The following EBF4 variants were observed in gnomAD, a reference collection of about 807,000 sequenced individuals.
EBF4 encodes transcription factor COE4.
EBF4 carries 34 observed loss-of-function variants against 67.1 expected under a neutral mutation model. The ratio of observed to expected loss-of-function variants is 0.51; its 90% CI spans 0.39 to 0.67. EBF4 has a LOEUF of 0.67. Ranked by LOEUF, EBF4 falls within the 30% of genes least tolerant of loss-of-function variation. EBF4 has a pLI of 0.00. For synonymous variants in EBF4, 387 were observed against 377.7 expected (o/e 1.02, Z -0.29); for missense variants, 837 against 873.3 (o/e 0.96, Z 0.52).
chr20:2,720,947 T>C (rs954984034), intron 6 of EBF4, among the ~76,000 whole-genome samples: 3 of 152,226 alleles, frequency 2.0e-5, no homozygotes, highest in Non-Finnish European at 4.4e-5. Context: ...CTGATGTTTA[T>C]CCTTATCTTT....
intron 14 of EBF4, chr20:2,754,976 C>CT (rs1555789869): frequency 5.2e-5 from 6 of 114,686 alleles, no homozygotes; most frequent in South Asian, 7.0e-4. Flanking sequence ...GACCACCCCC[C>CT]CCCACAGGGC....
intron 6 of EBF4, among the ~76,000 whole-genome samples, chr20:2,721,143 C>A (rs1003491647): frequency 1.3e-5 from 2 of 151,538 alleles, no homozygotes; most frequent in Non-Finnish European, 2.9e-5. Flanking sequence ...AGTTTTTGAC[C>A]ATGATTTATT....
chr20:2,733,349 C>T (rs1251754395), intron 6 of EBF4, among the ~76,000 whole-genome samples: 2 of 152,066 alleles, frequency 1.3e-5, no homozygotes, highest in Non-Finnish European at 1.5e-5. Context: ...TTTTCTTTGG[C>T]TTTCAAAAGT....
intron 9 of EBF4, 34 bp from the exon 10 acceptor site, chr20:2,749,813 G>A: frequency 6.5e-7 from 1 of 1,543,274 alleles, no homozygotes; most frequent in East Asian, 2.5e-5. Context: ...CCTCGCCGGT[G>A]CGGGACCTGC....
chr20:2,743,183 C>T (rs1007027790), intron 6 of EBF4, among the ~76,000 whole-genome samples: 6 of 152,206 alleles, frequency 3.9e-5, no homozygotes, highest in Non-Finnish European at 8.8e-5. Flanking sequence ...TAAAGTGTCA[C>T]CCCCTGGGCG....
At chr20:2,738,041 A>G (rs2087914850) in intron 6 of EBF4, among the ~76,000 whole-genome samples, 2 of 151,738 alleles carry the variant, frequency 1.3e-5, no homozygotes, top group Non-Finnish European at 2.9e-5. Flanking sequence ...AGTCAGGGGT[A>G]GACATCCCAG....
intron 4 of EBF4, among the ~76,000 whole-genome samples, 160 bp downstream of exon 4, chr20:2,706,424 G>T (rs184893148): frequency 6.5e-4 from 99 of 152,238 alleles, no homozygotes; most frequent in African/African-American, 2.2e-3. Flanking sequence ...TGTGCCGGAG[G>T]GTGTGTGGCT....
intron 1 of EBF4, among the ~76,000 whole-genome samples, chr20:2,700,266 A>T (rs561046283): frequency 6.6e-6 from 1 of 151,892 alleles, no homozygotes; most frequent in Admixed American, 6.6e-5. Context: ...AGTGTTTCCG[A>T]ATCACTGCCC....
At chr20:2,733,379 G>A (rs2087839848) in intron 6 of EBF4, among the ~76,000 whole-genome samples, 1 of 151,984 alleles carries the variant, frequency 6.6e-6, no homozygotes, top group African/African-American at 2.4e-5. Flanking sequence ...ATGTGTCTTT[G>A]TATAGATCAT....
At chr20:2,709,960 G>A (rs541773980) in intron 6 of EBF4, among the ~76,000 whole-genome samples, 3 of 152,286 alleles carry the variant, frequency 2.0e-5, no homozygotes, top group African/African-American at 7.2e-5. Context: ...CCGTCCAGGT[G>A]GAGTGGCCAG....
intron 6 of EBF4, among the ~76,000 whole-genome samples, chr20:2,720,690 G>A (rs1233617011): frequency 6.6e-6 from 1 of 152,068 alleles, no homozygotes; most frequent in Non-Finnish European, 1.5e-5. Context: ...TGCTTTTAAT[G>A]AGATTTAAAT....
exon 9 of EBF4, chr20:2,749,682 G>A (rs1330355151): frequency 1.3e-6 from 2 of 1,566,834 alleles, no homozygotes; most frequent in East Asian, 2.4e-5. Flanking sequence ...CGGCGCCACC[G>A]TCATTGTCAT....
rs370417878 is a variant in EBF4 at position 2,737,016 on chromosome 20, A to G, written c.558-11533A>G. Among the ~76,000 whole-genome samples, 566 of 151,974 alleles carry G rather than the reference A, an allele frequency of 3.7e-3. 5 individuals are homozygous for G. Among genetic ancestry groups the G allele is most frequent in the South Asian group, 0.027 (130 of 4,816 alleles). On this transcript the variant is annotated intron_variant, in intron 6 of 16. Coordinates refer to ENST00000609451, the Ensembl canonical transcript of EBF4. Reference sequence around the variant, plus strand: ...TGTAATCCCAGCACTTTGGGAGGCCAAGGTGGGCAGATCACAAGGTCAGGA... The same window carrying G: ...TGTAATCCCAGCACTTTGGGAGGCCGAGGTGGGCAGATCACAAGGTCAGGA...
intron 6 of EBF4, among the ~76,000 whole-genome samples, chr20:2,731,320 G>C (rs910149056): frequency 7.9e-5 from 12 of 152,292 alleles, no homozygotes; most frequent in Admixed American, 7.2e-4. Flanking sequence ...GTCCAGGGTG[G>C]CTCTTCTCCA....
intron 14 of EBF4, among the ~76,000 whole-genome samples, chr20:2,754,327 GTC>G: frequency 6.6e-6 from 1 of 152,242 alleles, no homozygotes; most frequent in Non-Finnish European, 1.5e-5. Context: ...GTTTGCTTGG[GTC>G]TCTCTTTGTT....
intron 3 of EBF4, 31 bp downstream of exon 3, chr20:2,706,068 T>C (rs2087453440): frequency 6.5e-7 from 1 of 1,550,022 alleles, no homozygotes; most frequent in Admixed American, 2.0e-5. Context: ...TACCCAGCCC[T>C]GCCCCTGAAG....
chr20:2,754,569 T>A (rs1282857677), intron 14 of EBF4, among the ~76,000 whole-genome samples: 1 of 152,184 alleles, frequency 6.6e-6, no homozygotes, highest in Non-Finnish European at 1.5e-5. Context: ...TTGAAGGCAT[T>A]CTTGTATCAA....
intron 6 of EBF4, among the ~76,000 whole-genome samples, chr20:2,742,111 G>A (rs1021076436): frequency 3.3e-5 from 5 of 152,176 alleles, no homozygotes; most frequent in South Asian, 2.1e-4. Flanking sequence ...AGCCTGGGTC[G>A]GACTCTGAGA....
exon 14 of EBF4, chr20:2,752,420 A>T: frequency 7.7e-7 from 1 of 1,297,756 alleles, no homozygotes; most frequent in South Asian, 2.3e-5. Flanking sequence ...GGCTCGCAGC[A>T]GAGCGGCTAC....
Sources: allele counts gnomAD v4.1 joint callset (sites outside exome capture counted in the v4.1 genomes callset), GRCh38; gene constraint gnomAD v4.1.1; transcripts MANE v1.5; gene names NCBI Gene and HGNC (gene_info 2026-07-23, HGNC 2026-07-21).